The following LRMDA variants were observed in gnomAD, a reference collection of about 807,000 sequenced individuals.
LRMDA encodes the protein leucine rich melanocyte differentiation associated, also known as leucine-rich melanocyte differentiation-associated protein.
In LRMDA, 18 loss-of-function variants were observed where a neutral mutation model predicts 29.8. The ratio of observed to expected loss-of-function variants is 0.60; its 90% CI spans 0.42 to 0.90. The LOEUF (loss-of-function observed/expected upper bound fraction) is 0.90, where lower values mean the gene tolerates loss of function less well. Ranked by LOEUF, LRMDA falls within the 40% of genes least tolerant of loss-of-function variation. The probability of loss-of-function intolerance (pLI) is 0.00; values close to 1 mark genes in which losing one functional copy is unlikely to be tolerated. For missense variants in LRMDA, 273 were observed against 273.9 expected (o/e 1.00, Z 0.02); for synonymous variants, 125 against 109.4 (o/e 1.14, Z -0.89).
rs575331405 is a variant in LRMDA at position 76,187,828 on chromosome 10, CTTTCA to C, written c.516+129049_516+129053del. On this transcript the variant is annotated intron_variant, in intron 5 of 6. Coordinates refer to ENST00000611255, the MANE Select transcript of LRMDA (RefSeq NM_001305581.2). Reference sequence around the variant, plus strand: ...CTCATCACTGAAGACTTGAAAACCTCTTTCATTTTTAGCAATTCAGAGAAAGGCAT... The same window carrying C: ...CTCATCACTGAAGACTTGAAAACCTCTTTTTAGCAATTCAGAGAAAGGCAT... Among the ~76,000 whole-genome samples, 4 of 152,076 alleles carry C rather than the reference CTTTCA, an allele frequency of 2.6e-5. No homozygotes were observed. The South Asian group carries it at 6.2e-4, about 24-fold the overall frequency.
chr10:76,300,165 A>G (rs1416803402), intron 5 of LRMDA, among the ~76,000 whole-genome samples: 1 of 152,224 alleles, frequency 6.6e-6, no homozygotes, highest in Admixed American at 6.5e-5. Context: ...CTATGAACAT[A>G]TTTGATTGGT....
intron 2 of LRMDA, among the ~76,000 whole-genome samples, chr10:75,751,182 G>A (rs1842963868): frequency 6.6e-6 from 1 of 152,184 alleles, no homozygotes; most frequent in South Asian, 2.1e-4. Flanking sequence ...AGGCGTGGCG[G>A]CGCGTGCCTG....
chr10:76,174,270 T>C (rs1018374310), intron 5 of LRMDA, among the ~76,000 whole-genome samples: 2 of 152,098 alleles, frequency 1.3e-5, no homozygotes, highest in African/African-American at 4.8e-5. Flanking sequence ...TATATACACC[T>C]ACCATTACCC....
chr10:75,702,223 A>G lies in LRMDA; in HGVS notation c.131+263729A>G, dbSNP rs75376399. ...CGTCACAGTCATTTAACTTGTAATTATATATTCAGTTTCTGTTGGCCCTGC... is the reference window on the plus strand; with the variant it reads ...CGTCACAGTCATTTAACTTGTAATTGTATATTCAGTTTCTGTTGGCCCTGC... On this transcript the variant is annotated intron_variant, in intron 2 of 6. Transcript: ENST00000611255. Among the ~76,000 whole-genome samples the G allele has an allele frequency of 9.6e-3, 1,469 of 152,254 alleles. 23 individuals are homozygous for G. The highest frequency in any genetic ancestry group is 0.033 in the African/African-American group (1,391 of 41,534).
intron 2 of LRMDA, among the ~76,000 whole-genome samples, chr10:75,458,727 C>T (rs1188503609): frequency 1.3e-5 from 2 of 152,116 alleles, no homozygotes; most frequent in African/African-American, 4.8e-5. Flanking sequence ...TTTGCTCTTC[C>T]ACAGACTGTA....
chr10:76,290,567 C>T (rs990759348), intron 5 of LRMDA, among the ~76,000 whole-genome samples: 18 of 151,884 alleles, frequency 1.2e-4, no homozygotes, highest in African/African-American at 3.4e-4. Context: ...GGATTACAGG[C>T]GTATGCCACC....
chr10:75,604,971 T>G (rs964396252), intron 2 of LRMDA, among the ~76,000 whole-genome samples: 9 of 152,244 alleles, frequency 5.9e-5, no homozygotes, highest in African/African-American at 2.2e-4. Flanking sequence ...AAATTGCAAT[T>G]CAGTTTTCCC....
chr10:75,616,087 G>T (rs1244098004), intron 2 of LRMDA, among the ~76,000 whole-genome samples: 1 of 152,132 alleles, frequency 6.6e-6, no homozygotes, highest in Non-Finnish European at 1.5e-5. Context: ...ACATGGGTGG[G>T]GAGGGCTCAC....
At chr10:76,258,407 C>T (rs148695919) in intron 5 of LRMDA, among the ~76,000 whole-genome samples, 10 of 152,202 alleles carry the variant, frequency 6.6e-5, no homozygotes, top group Non-Finnish European at 1.0e-4. Flanking sequence ...ATGATCTGAT[C>T]AGTGTAATTA....
At chr10:76,489,894 A>C (rs968878035) in intron 6 of LRMDA, among the ~76,000 whole-genome samples, 1 of 151,900 alleles carries the variant, frequency 6.6e-6, no homozygotes, top group Non-Finnish European at 1.5e-5. Flanking sequence ...CCCTGTGAAG[A>C]GGTGCCTTCT....
At chr10:76,024,706 G>A (rs1350626176) in intron 2 of LRMDA, among the ~76,000 whole-genome samples, 1 of 152,196 alleles carries the variant, frequency 6.6e-6, no homozygotes, top group Non-Finnish European at 1.5e-5. Flanking sequence ...GGGCCCTTGG[G>A]GTCCCTGGGG....
At chr10:76,469,756 A>G (rs1293313476) in intron 6 of LRMDA, among the ~76,000 whole-genome samples, 10 of 152,156 alleles carry the variant, frequency 6.6e-5, no homozygotes, top group Admixed American at 6.5e-4. Context: ...AGAGAGAACC[A>G]TGGAAACAGA....
chr10:75,796,771 C>T (rs922455328), intron 2 of LRMDA, among the ~76,000 whole-genome samples: 1 of 152,186 alleles, frequency 6.6e-6, no homozygotes, highest in Non-Finnish European at 1.5e-5. Flanking sequence ...TGGGGTTTCG[C>T]CATGTTGGCC....
rs866610761 is a variant in LRMDA at position 76,007,011 on chromosome 10, T to C, written c.132-28997T>C. ...GTGTGTGTGTGTGTGTGTGTGTGTG[T>C]GTGTGTGTGTGTGTGTGTGTGCGCG... On this transcript the variant is annotated intron_variant, in intron 2 of 6. Coordinates refer to ENST00000611255, the MANE Select transcript of LRMDA (RefSeq NM_001305581.2). 2.6e-4 allele frequency among the ~76,000 whole-genome samples: 28 copies of C among 108,952 alleles called. 1 individual carries two copies. The highest frequency in any genetic ancestry group is 7.9e-4 in the African/African-American group (24 of 30,268). 71.5% of individuals were successfully genotyped at this position (108,952 alleles called of 152,430 possible).
chr10:76,201,317 A>G (rs1277594102), intron 5 of LRMDA, among the ~76,000 whole-genome samples: 1 of 150,714 alleles, frequency 6.6e-6, no homozygotes, highest in African/African-American at 2.4e-5. Context: ...CTGGTCTCAA[A>G]CTCTTGACCT....
chr10:75,619,611 C>T (rs1395262695), intron 2 of LRMDA, among the ~76,000 whole-genome samples: 2 of 152,184 alleles, frequency 1.3e-5, no homozygotes, highest in Non-Finnish European at 2.9e-5. Flanking sequence ...ACCTGTATTT[C>T]TAGCTCATTT....
At chr10:75,689,589 C>T (rs1464404954) in intron 2 of LRMDA, among the ~76,000 whole-genome samples, 1 of 152,164 alleles carries the variant, frequency 6.6e-6, no homozygotes, top group African/African-American at 2.4e-5. Context: ...TTCCAAGGCA[C>T]CTGGTGCTCA....
chr10:75,519,595 C>A (rs1333233868), intron 2 of LRMDA, among the ~76,000 whole-genome samples: 1 of 152,136 alleles, frequency 6.6e-6, no homozygotes, highest in Non-Finnish European at 1.5e-5. Context: ...AGATGGGTCT[C>A]CTGAATACAG....
intron 6 of LRMDA, among the ~76,000 whole-genome samples, chr10:76,389,003 G>C (rs566663947): frequency 6.6e-6 from 1 of 152,272 alleles, no homozygotes; most frequent in Admixed American, 6.5e-5. Context: ...CAGAAGACCT[G>C]CCTAACCCTG....
Sources: gnomAD v4.1 joint callset for allele counts (sites outside exome capture counted in the v4.1 genomes callset) on GRCh38, gnomAD v4.1.1 for gene constraint, MANE v1.5 for transcripts, NCBI Gene and HGNC (gene_info 2026-07-23, HGNC 2026-07-21) for gene names.